Variants in DOCK9 observed in about 807,000 individuals in gnomAD.
The protein encoded by DOCK9 is dedicator of cytokinesis 9.
In DOCK9, 89 loss-of-function variants were observed where a neutral mutation model predicts 263.3. That is an observed-to-expected ratio of 0.34 (90% confidence interval 0.28 to 0.40). The LOEUF is 0.40. Ranked by LOEUF, DOCK9 falls within the 10% of genes least tolerant of loss-of-function variation. DOCK9 has a pLI of 1.00. For missense variants in DOCK9, 2,140 were observed against 2,603.4 expected (o/e 0.82, Z 3.87); for synonymous variants, 976 against 973.1 (o/e 1.00, Z -0.06).
intron 2 of DOCK9, among the ~76,000 whole-genome samples, chr13:98,947,778 T>C (rs2056916372): frequency 6.6e-6 from 1 of 152,156 alleles, no homozygotes; most frequent in Non-Finnish European, 1.5e-5. Context: ...AGTGCTAGGA[T>C]TACAGGCGTG....
intron 9 of DOCK9, among the ~76,000 whole-genome samples, chr13:98,905,792 A>G (rs2139602712): frequency 1.4e-5 from 2 of 140,636 alleles, no homozygotes; most frequent in South Asian, 4.6e-4. Context: ...AAAAAAAAAA[A>G]AGGATTGGGG....
At chr13:98,799,486 T>C (rs1356268191) in intron 50 of DOCK9, among the ~76,000 whole-genome samples, 1 of 152,208 alleles carries the variant, frequency 6.6e-6, no homozygotes, top group African/African-American at 2.4e-5. Context: ...GTAAGTAAGA[T>C]AACTTTTTAA....
At chr13:99,005,857 T>C (rs1474336990) in intron 1 of DOCK9, among the ~76,000 whole-genome samples, 1 of 151,794 alleles carries the variant, frequency 6.6e-6, no homozygotes, top group East Asian at 1.9e-4. Flanking sequence ...TATGTGGCAA[T>C]AAAACTTTAT....
intron 9 of DOCK9, among the ~76,000 whole-genome samples, chr13:98,909,356 T>G (rs1461128723): frequency 2.6e-5 from 4 of 152,224 alleles, no homozygotes; most frequent in Admixed American, 6.5e-5. Context: ...CCAGAAAGTC[T>G]GCTGTAGGCT....
intron 50 of DOCK9, among the ~76,000 whole-genome samples, chr13:98,798,677 T>G (rs9584940): frequency 0.21 from 32,126 of 152,176 alleles, 3,417 homozygotes; most frequent in Middle Eastern, 0.26. Context: ...CTCTGCCCAG[T>G]AAAGCTGCAG....
chr13:98,954,542 G>A (rs545977317), intron 2 of DOCK9, among the ~76,000 whole-genome samples: 1 of 152,344 alleles, frequency 6.6e-6, no homozygotes, highest in African/African-American at 2.4e-5. Flanking sequence ...GCACACAGCA[G>A]GAGCTGTGCT....
At chr13:98,928,931 G>A (rs2140251054) in intron 3 of DOCK9, among the ~76,000 whole-genome samples, 1 of 152,080 alleles carries the variant, frequency 6.6e-6, no homozygotes, top group East Asian at 1.9e-4. Context: ...AAAGATGAGG[G>A]AACACACTTA....
intron 49 of DOCK9, among the ~76,000 whole-genome samples, chr13:98,803,938 A>AT (rs34751334): frequency 0.051 from 7,253 of 142,326 alleles, 255 homozygotes; most frequent in Non-Finnish European, 0.078. Context: ...AAAAACCTGT[A>AT]TTTTTTTTTT....
chr13:98,883,147 A>C lies in DOCK9; in HGVS notation c.2470-16T>G, dbSNP rs760913492. On this transcript the variant is annotated splice_polypyrimidine_tract_variant and intron_variant, in intron 22 of 52. Coordinates refer to ENST00000682017, the MANE Select transcript of DOCK9 (RefSeq NM_001366683.2). The stretch of plus-strand genomic sequence containing the variant: ...AATGCTGATCCTGAGGTAGGGAAAA[A>C]GGAAAAGAAGAAGAAAGTCTATTAG... 6.3e-7 allele frequency: 1 copy of C among 1,592,596 alleles called. No homozygotes were observed. Among genetic ancestry groups the C allele is most frequent in the Non-Finnish European group, 8.6e-7 (1 of 1,164,238 alleles).
chr13:98,883,228 A>T (rs1238719038), intron 22 of DOCK9, 97 bp from the exon 23 acceptor site: 2 of 1,075,032 alleles, frequency 1.9e-6, no homozygotes, highest in African/African-American at 1.6e-5. Flanking sequence ...TTTTTGCTGT[A>T]TGTTGTTGTT....
intron 27 of DOCK9, among the ~76,000 whole-genome samples, chr13:98,869,858 C>A (rs1281088972): frequency 6.6e-6 from 1 of 152,250 alleles, no homozygotes; most frequent in Non-Finnish European, 1.5e-5. Context: ...CCTTCCTGTG[C>A]CACTGCCTGG....
At chr13:99,072,389 C>T (rs1055364895) in intron 1 of DOCK9, among the ~76,000 whole-genome samples, 2 of 152,142 alleles carry the variant, frequency 1.3e-5, no homozygotes, top group Non-Finnish European at 2.9e-5. Flanking sequence ...TGGTGTTGAA[C>T]TCATGTGTTC....
intron 1 of DOCK9, among the ~76,000 whole-genome samples, chr13:99,064,008 A>G (rs995848068): frequency 1.3e-5 from 2 of 152,140 alleles, no homozygotes; most frequent in South Asian, 2.1e-4. Context: ...GAAGCCTTCT[A>G]CTAAGACCTG....
chr13:99,086,885 A>T (rs905091841), upstream of DOCK9, among the ~76,000 whole-genome samples: 1 of 151,574 alleles, frequency 6.6e-6, no homozygotes, highest in Non-Finnish European at 1.5e-5. Context: ...CCCGGGCCGC[A>T]CGTCCGAAGA....
intron 1 of DOCK9, among the ~76,000 whole-genome samples, chr13:98,983,617 A>T (rs1014291575): frequency 9.0e-5 from 13 of 143,898 alleles, no homozygotes; most frequent in South Asian, 4.9e-4. Flanking sequence ...AATTATTATT[A>T]TTATTATTTT....
chr13:98,885,341 C>T (rs1159692137), intron 20 of DOCK9: 1 of 551,260 alleles, frequency 1.8e-6, no homozygotes, highest in Non-Finnish European at 3.1e-6. Context: ...TGGTGGCTCA[C>T]ACCTGTAATC....
At chr13:98,950,170 T>C (rs1044691244) in intron 2 of DOCK9, 3 of 778,896 alleles carry the variant, frequency 3.9e-6, no homozygotes, top group African/African-American at 3.5e-5. Context: ...ATTAATTCTT[T>C]GGATGCGTAA....
chr13:99,083,905 G>T (rs1476042875), intron 1 of DOCK9, among the ~76,000 whole-genome samples: 1 of 152,142 alleles, frequency 6.6e-6, no homozygotes, highest in East Asian at 1.9e-4. Context: ...AAATCCATCT[G>T]CAGAACTGCT....
intron 1 of DOCK9, among the ~76,000 whole-genome samples, chr13:99,079,989 A>C (rs2042064183): frequency 6.6e-6 from 1 of 152,196 alleles, no homozygotes; most frequent in Non-Finnish European, 1.5e-5. Flanking sequence ...GCAGTGAGCC[A>C]AGATTGCACC....
Sources: allele counts gnomAD v4.1 joint callset (sites outside exome capture counted in the v4.1 genomes callset), GRCh38; gene constraint gnomAD v4.1.1; transcripts MANE v1.5; gene names NCBI Gene and HGNC (gene_info 2026-07-23, HGNC 2026-07-21).